Variants in VAV3 observed in about 807,000 individuals in gnomAD.
The protein encoded by VAV3 is vav guanine nucleotide exchange factor 3.
VAV3 carries 94 observed loss-of-function variants against 131.2 expected under a neutral mutation model. That is an observed-to-expected ratio of 0.72 (90% CI 0.61 to 0.85). The LOEUF (loss-of-function observed/expected upper bound fraction) is 0.85. VAV3 is among the 40% of genes least tolerant of loss of function. The pLI is 0.00. For missense variants in VAV3, 939 were observed against 1,002.7 expected (o/e 0.94, Z 0.86); for synonymous variants, 349 against 342.0 (o/e 1.02, Z -0.22).
In VAV3 at chr1:107,965,080, G is replaced by C. The variant is rs1322087018; in HGVS notation, c.-211C>G. 5.9e-6 allele frequency: 1 copy of C among 168,506 alleles called. No individual in the cohort carries two copies. The highest frequency in any genetic ancestry group is 1.2e-5 in the Non-Finnish European group (1 of 85,004). The allele number at this position is 168,506 out of a possible 1,614,324, so 10.4% of individuals were successfully genotyped here. A position where few individuals can be genotyped will look rare whatever the true frequency, so the allele number is the denominator to read the frequency against. The stretch of plus-strand genomic sequence containing the variant: ...CCCGGCCCGGGTGCGCCGCGACCCG[G>C]CCGCCGCTGCAGCGAGTCCCGCGCG... On this transcript the variant is annotated 5_prime_UTR_variant, in exon 1 of 27. Coordinates refer to ENST00000370056, the MANE Select transcript of VAV3 (RefSeq NM_006113.5).
chr1:107,789,754 T>C (rs976775098), intron 2 of VAV3, among the ~76,000 whole-genome samples: 1 of 152,174 alleles, frequency 6.6e-6, no homozygotes, highest in Non-Finnish European at 1.5e-5. Flanking sequence ...TAAAAATAAT[T>C]TTAATCATAT....
intron 2 of VAV3, among the ~76,000 whole-genome samples, chr1:107,872,962 T>C (rs1670319322): frequency 6.6e-6 from 1 of 152,216 alleles, no homozygotes; most frequent in Admixed American, 6.5e-5. Context: ...TGGTAAATTA[T>C]GAAGCTATAT....
At chr1:107,768,119 C>T (rs557355970) in intron 7 of VAV3, among the ~76,000 whole-genome samples, 13 of 152,176 alleles carry the variant, frequency 8.5e-5, no homozygotes, top group South Asian at 2.1e-4. Flanking sequence ...AACAGAGCTC[C>T]GCAGGGAAGT....
intron 2 of VAV3, among the ~76,000 whole-genome samples, chr1:107,834,933 C>T (rs1668405109): frequency 1.3e-5 from 2 of 152,140 alleles, no homozygotes; most frequent in South Asian, 4.1e-4. Flanking sequence ...GGCTTCTGAA[C>T]TGACAGGGGC....
chr1:107,853,927 T>A (rs116465884), intron 2 of VAV3, among the ~76,000 whole-genome samples: 122 of 152,342 alleles, frequency 8.0e-4, no homozygotes, highest in African/African-American at 2.8e-3. Flanking sequence ...ACCCCCTGTG[T>A]ATGCCGATTA....
intron 20 of VAV3, among the ~76,000 whole-genome samples, chr1:107,631,591 AG>A (rs1312515041): frequency 1.0e-4 from 15 of 150,188 alleles, no homozygotes; most frequent in Non-Finnish European, 1.6e-4. Flanking sequence ...CTCGTCATTT[AG>A]CATTAGGTAT....
intron 15 of VAV3, among the ~76,000 whole-genome samples, chr1:107,706,140 A>C (rs1338608226): frequency 6.6e-6 from 1 of 152,178 alleles, no homozygotes; most frequent in Non-Finnish European, 1.5e-5. Flanking sequence ...AGAAAGCTAA[A>C]ATGATATGCT....
chr1:107,940,517 C>T (rs1296189175), intron 1 of VAV3, among the ~76,000 whole-genome samples: 6 of 152,170 alleles, frequency 3.9e-5, no homozygotes, highest in Admixed American at 3.9e-4. Flanking sequence ...CTGGTTTCAG[C>T]CTTGCCAGGA....
chr1:107,699,958 T>C (rs571386553), intron 17 of VAV3, among the ~76,000 whole-genome samples: 1 of 152,298 alleles, frequency 6.6e-6, no homozygotes, highest in African/African-American at 2.4e-5. Context: ...TGGGCCAGGA[T>C]GATCACACAC....
chr1:107,605,850 A>T (rs1409696584), intron 22 of VAV3, among the ~76,000 whole-genome samples: 1 of 152,230 alleles, frequency 6.6e-6, no homozygotes, highest in African/African-American at 2.4e-5. Flanking sequence ...AAAAATCTGA[A>T]ATTCAAAACA....
rs148539417 is a variant in VAV3 at position 107,751,194 on chromosome 1, T to A, written c.1182A>T (p.Pro394=). Reference sequence around the variant, plus strand: ...CCTGAGGTCGTCCAAAAAGCAAAACTGGTTGGTTCTAAAATATAAAATGCA... The same window carrying A: ...CCTGAGGTCGTCCAAAAAGCAAAACAGGTTGGTTCTAAAATATAAAATGCA... ...FQLSIENLNQ[P]VLLFGRPQGD... is the part of the protein sequence containing the mutation. The change falls in exon 13 of 27, where the codon CCA becomes CCT. Residue 394 remains proline, a synonymous_variant. Transcript: ENST00000370056. The A allele has an allele frequency of 5.8e-5, 94 of 1,612,356 alleles. No homozygotes were observed. The African/African-American group carries it at 1.1e-3, about 19-fold the overall frequency.
chr1:107,756,643 T>G (rs1050733882), intron 11 of VAV3, among the ~76,000 whole-genome samples: 4 of 151,866 alleles, frequency 2.6e-5, no homozygotes, highest in African/African-American at 4.8e-5. Flanking sequence ...AAAGTCATTT[T>G]TATTTAACAT....
chr1:107,669,447 A>G, intron 19 of VAV3: 1 of 1,289,618 alleles, frequency 7.8e-7, no homozygotes, highest in Non-Finnish European at 1.0e-6. Context: ...CCATGGAAAT[A>G]AAGAAATGAA....
At position 107,921,755 on chromosome 1, in the gene VAV3, A is replaced by G. The variant is rs189165688; in HGVS notation, c.204+42911T>C. Among the ~76,000 whole-genome samples the G allele has an allele frequency of 6.5e-3, 985 of 152,370 alleles. 3 individuals are homozygous for G. Among genetic ancestry groups the G allele is most frequent in the South Asian group, 0.014 (70 of 4,828 alleles). ...AAATCCTCCCAATCTTTAGTTCTAA[A>G]GTGAAATTATCTACTGTAACATTCT... On this transcript the variant is annotated intron_variant, in intron 1 of 26. Coordinates refer to ENST00000370056, the MANE Select transcript of VAV3 (RefSeq NM_006113.5).
At chr1:107,699,723 G>A (rs972320468) in intron 17 of VAV3, among the ~76,000 whole-genome samples, 6 of 151,998 alleles carry the variant, frequency 3.9e-5, no homozygotes, top group Admixed American at 6.6e-5. Flanking sequence ...CCCAAAGCTC[G>A]ATTCTTTCTC....
chr1:107,911,069 G>A lies in VAV3; in HGVS notation c.205-36052C>T, dbSNP rs1672347232. On this transcript the variant is annotated intron_variant, in intron 1 of 26. Transcript: ENST00000370056. ...TTCAACACCACCAGACAAATAAAAT[G>A]TTACTCAATTGCTTATTATCCTAAA... 1.3e-5 allele frequency among the ~76,000 whole-genome samples: 2 copies of A among 151,890 alleles called. 1 individual carries two copies. The highest frequency in any genetic ancestry group is 1.3e-4 in the Admixed American group (2 of 15,252).
intron 2 of VAV3, among the ~76,000 whole-genome samples, chr1:107,865,381 T>A (rs1205059347): frequency 6.6e-6 from 1 of 152,124 alleles, no homozygotes; most frequent in Non-Finnish European, 1.5e-5. Flanking sequence ...AATTTCAGAT[T>A]TTAAGCAGTG....
At chr1:107,788,995 G>A (rs958601229) in intron 2 of VAV3, among the ~76,000 whole-genome samples, 6 of 152,180 alleles carry the variant, frequency 3.9e-5, no homozygotes, top group Admixed American at 6.5e-5. Flanking sequence ...CAGAGTGGCT[G>A]GGGATACAGC....
chr1:107,786,657 G>A (rs547982139), intron 2 of VAV3, among the ~76,000 whole-genome samples: 102 of 152,270 alleles, frequency 6.7e-4, no homozygotes, highest in African/African-American at 2.4e-3. Flanking sequence ...TCTTTGTAAA[G>A]TACTTCAGAA....
Sources: allele counts gnomAD v4.1 joint callset (sites outside exome capture counted in the v4.1 genomes callset), GRCh38; gene constraint gnomAD v4.1.1; transcripts MANE v1.5; gene names NCBI Gene and HGNC (gene_info 2026-07-23, HGNC 2026-07-21).